Variants in DAPK1 observed in about 807,000 individuals in gnomAD.
DAPK1 encodes the protein death associated protein kinase 1.
DAPK1 carries 56 observed loss-of-function variants against 144.9 expected under a neutral mutation model. The ratio of observed to expected loss-of-function variants is 0.39; its 90% CI spans 0.31 to 0.48. The LOEUF is 0.48. Ranked by LOEUF, DAPK1 falls within the 20% of genes least tolerant of loss-of-function variation. The pLI is 0.95. For missense variants in DAPK1, 1,454 were observed against 1,875.4 expected (o/e 0.78, Z 4.15); for synonymous variants, 690 against 749.0 (o/e 0.92, Z 1.29).
At chr9:87,677,548 T>A (rs1334667759) in intron 19 of DAPK1, among the ~76,000 whole-genome samples, 2 of 152,174 alleles carry the variant, frequency 1.3e-5, no homozygotes, top group Admixed American at 1.3e-4. Flanking sequence ...GCACAGTTTC[T>A]TTACCAAAAT....
chr9:87,585,830 C>G (rs765967762), intron 2 of DAPK1, among the ~76,000 whole-genome samples: 2 of 152,198 alleles, frequency 1.3e-5, no homozygotes, highest in Admixed American at 6.5e-5. Context: ...GTGTGTAAAG[C>G]ACACACTGGG....
Position 87,498,977 on chromosome 9 carries a change from G to T in DAPK1, c.-101G>T. 1 of 876,776 alleles carries T rather than the reference G, an allele frequency of 1.1e-6. No individual in the cohort carries two copies. The highest frequency in any genetic ancestry group is 1.9e-6 in the Non-Finnish European group (1 of 519,514). 54.3% of individuals were successfully genotyped at this position (876,776 alleles called of 1,614,324 possible). ...TTTTTTTTTCTTCAAAAGGACTGGA[G>T]ACTGATGCATGAGGGGGCTACGGAG... On this transcript the variant is annotated 5_prime_UTR_variant, in exon 2 of 26. Transcript: ENST00000408954.
intron 21 of DAPK1, among the ~76,000 whole-genome samples, chr9:87,695,586 A>G (rs375664628): frequency 6.6e-6 from 1 of 152,126 alleles, no homozygotes; most frequent in African/African-American, 2.4e-5. Context: ...GCCCCCACAT[A>G]CAACCTTTGA....
At chr9:87,690,857 TC>T in intron 21 of DAPK1, among the ~76,000 whole-genome samples, 1 of 152,124 alleles carries the variant, frequency 6.6e-6, no homozygotes, top group East Asian at 1.9e-4. Flanking sequence ...TGTCAACTCA[TC>T]CTTGCATCCC....
chr9:87,505,369 G>T (rs1238915183), intron 2 of DAPK1, among the ~76,000 whole-genome samples: 1 of 152,176 alleles, frequency 6.6e-6, no homozygotes, highest in African/African-American at 2.4e-5. Context: ...CAGGGACTTT[G>T]TTTGTTTGTG....
At chr9:87,657,881 AG>A in intron 17 of DAPK1, 147 bp from the exon 18 acceptor site, 3 of 673,418 alleles carry the variant, frequency 4.5e-6, no homozygotes, top group Non-Finnish European at 8.2e-6. Context: ...GGCCTGCCCC[AG>A]TGGAGAGCAA....
At chr9:87,547,776 C>T (rs1214011792) in intron 2 of DAPK1, among the ~76,000 whole-genome samples, 1 of 152,088 alleles carries the variant, frequency 6.6e-6, no homozygotes, top group Non-Finnish European at 1.5e-5. Flanking sequence ...TGGCAGAATT[C>T]CCTCTGCAGG....
Position 87,639,668 on chromosome 9 carries a change from A to G in DAPK1, c.572A>G (p.Tyr191Cys). Residue 191 changes from tyrosine to cysteine, a missense_variant, in exon 6 of 26, where the codon TAT (tyrosine) becomes TGT (cysteine). By Grantham distance (194) the Tyr-to-Cys change is radical (BLOSUM62 -2). Transcript: ENST00000408954. ...PEFVAPEIVN[Y>C]EPLGLEADMW... ...CTCTTAGCTCCTGAGATAGTCAACT[A>G]TGAACCTCTTGGTCTTGAGGCAGAT... The G allele has an allele frequency of 6.2e-7, 1 of 1,614,170 alleles. No homozygotes were observed. The highest frequency in any genetic ancestry group is 8.5e-7 in the Non-Finnish European group (1 of 1,180,016).
chr9:87,647,605 G>C (rs1273180665), intron 14 of DAPK1, among the ~76,000 whole-genome samples: 3 of 152,180 alleles, frequency 2.0e-5, no homozygotes, highest in African/African-American at 7.2e-5. Context: ...AAATCTTTCA[G>C]GTAGTTGCCA....
chr9:87,680,637 TCACA>T (rs200231672), intron 19 of DAPK1, among the ~76,000 whole-genome samples: 2 of 134,292 alleles, frequency 1.5e-5, no homozygotes, highest in East Asian at 2.2e-4. Flanking sequence ...AGTGTGGGGG[TCACA>T]CACACACACA....
Position 87,686,492 on chromosome 9 carries a change from A to T in DAPK1, c.2225-59A>T. The T allele has an allele frequency of 1.0e-6, 1 of 959,256 alleles. No homozygotes were observed. The highest frequency in any genetic ancestry group is 1.6e-6 in the Non-Finnish European group (1 of 615,742). The allele number at this position is 959,256 out of a possible 1,614,324, so 59.4% of individuals were successfully genotyped here. A position where few individuals can be genotyped will look rare whatever the true frequency, so the allele number is the denominator to read the frequency against. ...AAGGAAACCTCAGGGCCAGCCTGGGAGGGAGACAGGCACACGCTGCCCCCA... is the reference window on the plus strand; with the variant it reads ...AAGGAAACCTCAGGGCCAGCCTGGGTGGGAGACAGGCACACGCTGCCCCCA... On this transcript the variant is annotated intron_variant, in intron 20 of 25. Transcript: ENST00000408954. The surrounding 1 kb of genome is among the most constrained non-coding windows in gnomAD (Gnocchi z 4.2).
At chr9:87,610,177 T>G (rs1828874859) in intron 3 of DAPK1, among the ~76,000 whole-genome samples, 1 of 152,238 alleles carries the variant, frequency 6.6e-6, no homozygotes, top group Non-Finnish European at 1.5e-5. Context: ...CTTGCTTCAC[T>G]GGAGAATCAT....
chr9:87,511,513 CAGG>C (rs1824841629), intron 2 of DAPK1, among the ~76,000 whole-genome samples: 1 of 152,132 alleles, frequency 6.6e-6, no homozygotes, highest in Non-Finnish European at 1.5e-5. Context: ...GCTCTGTAGC[CAGG>C]AGGAGTTAGC....
At chr9:87,665,929 C>A (rs1039655691) in intron 18 of DAPK1, among the ~76,000 whole-genome samples, 24 of 152,178 alleles carry the variant, frequency 1.6e-4, no homozygotes, top group Non-Finnish European at 2.5e-4. Flanking sequence ...CTTTCTATAT[C>A]TTTTCAATGC....
chr9:87,621,708 G>A (rs9785241), intron 3 of DAPK1, among the ~76,000 whole-genome samples: 80,620 of 151,996 alleles, frequency 0.53, 23,749 homozygotes, highest in African/African-American at 0.78. Context: ...GCAGGCAGCT[G>A]AGGATCCACT....
chr9:87,617,667 A>G (rs922929517), intron 3 of DAPK1, among the ~76,000 whole-genome samples: 1 of 152,106 alleles, frequency 6.6e-6, no homozygotes, highest in African/African-American at 2.4e-5. Context: ...ATGATACTCA[A>G]TTGTCACCTC....
intron 1 of DAPK1, chr9:87,498,491 A>G (rs1329157120): frequency 4.1e-6 from 1 of 242,004 alleles, no homozygotes; most frequent in Non-Finnish European, 7.8e-6. Context: ...GGGGAAGGGG[A>G]GAGGGTGGCC....
chr9:87,546,802 A>G lies in DAPK1; in HGVS notation c.62+47663A>G, dbSNP rs898477143. ...CCTGTTCTTTTAACAGAGGACTCCG[A>G]TGACGTTAGAAGAGGCTGCACTGCC... On this transcript the variant is annotated intron_variant, in intron 2 of 25. Coordinates refer to ENST00000408954, the MANE Select transcript of DAPK1 (RefSeq NM_004938.4). 5.3e-5 allele frequency among the ~76,000 whole-genome samples: 8 copies of G among 152,098 alleles called. No individual in the cohort carries two copies. The East Asian group carries it at 1.2e-3, about 22-fold the overall frequency.
In DAPK1 at chr9:87,596,290, C is replaced by T. The variant is rs548160195; in HGVS notation, c.63-8664C>T. Among the ~76,000 whole-genome samples the T allele has an allele frequency of 2.6e-5, 4 of 152,290 alleles. No homozygotes were observed. In the East Asian group the frequency reaches 5.8e-4, roughly 22 times the overall value. On this transcript the variant is annotated intron_variant, in intron 2 of 25. Coordinates refer to ENST00000408954, the MANE Select transcript of DAPK1 (RefSeq NM_004938.4). Reference sequence around the variant, plus strand: ...ATAGATACGCACTGGGCATTCACACCAGGCAGGAGGAAGATTAGGTAGCTG... The same window carrying T: ...ATAGATACGCACTGGGCATTCACACTAGGCAGGAGGAAGATTAGGTAGCTG...
Sources: gnomAD v4.1 joint callset for allele counts (sites outside exome capture counted in the v4.1 genomes callset) on GRCh38, gnomAD v4.1.1 for gene constraint, Gnocchi (gnomAD v3.1) non-coding constraint, MANE v1.5 for transcripts, NCBI Gene and HGNC (gene_info 2026-07-23, HGNC 2026-07-21) for gene names.